TGM3: variants seen among roughly 807,000 people sequenced by gnomAD.
The protein encoded by TGM3 is transglutaminase 3.
In TGM3, 52 loss-of-function variants were observed where a neutral mutation model predicts 73.8. The observed-to-expected ratio is 0.70, with a 90% CI of 0.56 to 0.89. TGM3 has a LOEUF of 0.89. Ranked by LOEUF, TGM3 falls within the 40% of genes least tolerant of loss-of-function variation. TGM3 has a pLI of 0.00. For synonymous variants in TGM3, 372 were observed against 354.9 expected, an observed-to-expected ratio of 1.05 and a Z score of -0.54; for missense variants, 928 against 909.9, an observed-to-expected ratio of 1.02 and a Z score of -0.26.
chr20:2,316,871 C>T (rs901625726), intron 5 of TGM3, among the ~76,000 whole-genome samples, 197 bp from the exon 6 acceptor site: 4 of 152,136 alleles, frequency 2.6e-5, no homozygotes, highest in Admixed American at 2.6e-4. Flanking sequence ...CCTCTAAACT[C>T]GTAAACCACT....
intron 11 of TGM3, 150 bp from the exon 12 acceptor site, chr20:2,339,704 G>T: frequency 2.0e-6 from 2 of 992,954 alleles, no homozygotes; most frequent in Non-Finnish European, 3.0e-6. Flanking sequence ...GACACAATGT[G>T]CCTGGCACCT....
At chr20:2,316,109 G>C (rs752448483) in intron 5 of TGM3, among the ~76,000 whole-genome samples, 1 of 152,126 alleles carries the variant, frequency 6.6e-6, no homozygotes, top group African/African-American at 2.4e-5. Flanking sequence ...CTCAGGTCTC[G>C]ATTTCTAGTC....
At chr20:2,335,303 G>T (rs2084343746) in intron 11 of TGM3, 30 bp downstream of exon 11, 2 of 1,612,296 alleles carry the variant, frequency 1.2e-6, no homozygotes, top group Non-Finnish European at 1.7e-6. Flanking sequence ...TGTGGGAAGG[G>T]GTTCTGCCCC....
intron 9 of TGM3, among the ~76,000 whole-genome samples, chr20:2,330,637 G>A (rs771156556): frequency 3.9e-5 from 6 of 152,234 alleles, no homozygotes; most frequent in Non-Finnish European, 5.9e-5. Flanking sequence ...AGGCATGGAC[G>A]AGTTGGCCTC....
At position 2,328,314 on chromosome 20, in the gene TGM3, G is replaced by A; in HGVS notation, c.1282G>A (p.Val428Met). 1 of 1,614,190 alleles carries A rather than the reference G, an allele frequency of 6.2e-7. No individual in the cohort carries two copies. Among genetic ancestry groups the A allele is most frequent in the South Asian group, 1.1e-5 (1 of 91,084 alleles). Residue 428 changes from valine to methionine, a missense_variant, in exon 9 of 13, where the codon GTG (valine) becomes ATG (methionine). By Grantham distance (21) the Val-to-Met change is conservative (BLOSUM62 1). Transcript: ENST00000381458. The surrounding 1 kb of genome is among the most constrained non-coding windows in gnomAD (Gnocchi z 5.2). ...TGGCAGGTACATCAGCACCAAGGCG[G>A]TGGGCAGCAATGCTCGCATGGACGT... ...TIGRYISTKA[V>M]GSNARMDVTD...
In TGM3 at chr20:2,317,422, T is replaced by A. The variant is rs759645776; in HGVS notation, c.920T>A (p.Leu307His). Residue 307 changes from leucine to histidine, a missense_variant, in exon 7 of 13, where the codon CTC (leucine) becomes CAC (histidine). Coordinates refer to ENST00000381458, the MANE Select transcript of TGM3 (RefSeq NM_003245.4). The stretch of plus-strand genomic sequence containing the variant: ...TCAGCTCATGACACAGACCGAAATC[T>A]CAGTGTGGATGTGTACTACGACCCC... ...FNSAHDTDRNLSVDVYYDPMG... is the reference protein window; with the variant it reads ...FNSAHDTDRNHSVDVYYDPMG... The A allele has an allele frequency of 6.2e-7, 1 of 1,614,158 alleles. No homozygotes were observed. Among genetic ancestry groups the A allele is most frequent in the Non-Finnish European group, 8.5e-7 (1 of 1,180,022 alleles).
chr20:2,302,402 T>C (rs965445188), intron 1 of TGM3, among the ~76,000 whole-genome samples: 1 of 151,944 alleles, frequency 6.6e-6, no homozygotes, highest in Non-Finnish European at 1.5e-5. Context: ...TGTGATTATG[T>C]TTGGCTGTGA....
chr20:2,331,761 G>A (rs1568632540), intron 9 of TGM3, among the ~76,000 whole-genome samples: 2 of 152,222 alleles, frequency 1.3e-5, no homozygotes, highest in Admixed American at 6.5e-5. Context: ...GTGTGCAGGT[G>A]TGATAAAGCT....
chr20:2,317,681 C>A (rs531792651), intron 7 of TGM3, among the ~76,000 whole-genome samples, 196 bp downstream of exon 7: 6 of 151,904 alleles, frequency 3.9e-5, no homozygotes, highest in African/African-American at 1.5e-4. Flanking sequence ...CGGTGCTCTG[C>A]GGTCTGCTAG....
intron 7 of TGM3, among the ~76,000 whole-genome samples, chr20:2,321,713 GAAAGGAGTGGAGCCC>G (rs2084263776): frequency 6.6e-6 from 1 of 152,142 alleles, no homozygotes; most frequent in South Asian, 2.1e-4. Flanking sequence ...AAACCCTCAG[GAAAGGAGTGGAGCCC>G]GAGGTTGGGG....
At chr20:2,312,464 G>C (rs1231586163) in intron 4 of TGM3, among the ~76,000 whole-genome samples, 1 of 151,124 alleles carries the variant, frequency 6.6e-6, no homozygotes. Flanking sequence ...GATGAGTTTG[G>C]CCTAATTATA....
chr20:2,340,159 C>T (rs1568635877), intron 12 of TGM3, among the ~76,000 whole-genome samples, 172 bp downstream of exon 12: 1 of 152,176 alleles, frequency 6.6e-6, no homozygotes. Flanking sequence ...GTTCACCAAA[C>T]TTGAACTCCT....
In TGM3 at chr20:2,332,407, T is replaced by G; in HGVS notation, c.1642+97T>G. ...TCTGCTGGGCTCCAGGTTAGTCAGC[T>G]ACGAATGGAGCAGCCAGCGGCCCCT... On this transcript the variant is annotated intron_variant, in intron 10 of 12. Coordinates refer to ENST00000381458, the MANE Select transcript of TGM3 (RefSeq NM_003245.4). This position sits in a 1 kb window ranked among gnomAD's most constrained non-coding sequence, Gnocchi z 4.4. The G allele has an allele frequency of 8.1e-7, 1 of 1,234,924 alleles. No homozygotes were observed. Among genetic ancestry groups the G allele is most frequent in the South Asian group, 1.6e-5 (1 of 63,626 alleles). The allele number at this position is 1,234,924 out of a possible 1,614,324, so 76.5% of individuals were successfully genotyped here.
intron 7 of TGM3, among the ~76,000 whole-genome samples, chr20:2,319,176 C>T (rs891839208): frequency 6.6e-6 from 1 of 152,200 alleles, no homozygotes; most frequent in Non-Finnish European, 1.5e-5. Flanking sequence ...GCTCTGATCA[C>T]TGGGGCTATG....
At chr20:2,309,856 C>T (rs1487048728) in intron 2 of TGM3, 26 bp downstream of exon 2, 6 of 1,613,346 alleles carry the variant, frequency 3.7e-6, no homozygotes, top group Non-Finnish European at 3.4e-6. Flanking sequence ...CCTCCTTGCC[C>T]AAACACACAC....
rs1003005055 is a variant in TGM3, at chr20:2,316,964, G to T, written c.670-104G>T. On this transcript the variant is annotated intron_variant, in intron 5 of 12. Coordinates refer to ENST00000381458, the MANE Select transcript of TGM3 (RefSeq NM_003245.4). ...AAGAAAAGTTCAATCATGGCCTTTG[G>T]CTTCCTTCCTCATCTCCCCACCTTG... The T allele has an allele frequency of 2.9e-6, 4 of 1,360,504 alleles. No homozygotes were observed. The African/African-American group carries it at 5.8e-5, about 20-fold the overall frequency. 84.3% of individuals were successfully genotyped at this position (1,360,504 alleles called of 1,614,324 possible).
rs1474723676 is a variant in TGM3 at position 2,323,036 on chromosome 20, C to CA, written c.984-2813_984-2812insA. Among the ~76,000 whole-genome samples, 3 of 152,264 alleles carry CA rather than the reference C, an allele frequency of 2.0e-5. No individual in the cohort carries two copies. In the East Asian group the frequency reaches 5.8e-4, roughly 29 times the overall value. ...TTTAATGAACAGCTTTATCATACAT[C>CA]TACATATATACACATAGGTTTTTTT... On this transcript the variant is annotated intron_variant, in intron 7 of 12. Transcript: ENST00000381458.
intron 9 of TGM3, among the ~76,000 whole-genome samples, chr20:2,329,337 G>A (rs1448279687): frequency 6.6e-6 from 1 of 152,170 alleles, no homozygotes; most frequent in Non-Finnish European, 1.5e-5. Flanking sequence ...AGGTGATGGG[G>A]TCTGACTTCA....
intron 4 of TGM3, 76 bp downstream of exon 4, chr20:2,311,205 T>C: frequency 8.3e-7 from 1 of 1,205,856 alleles, no homozygotes. Context: ...CACAGATCAA[T>C]GGGAAGTCCC....
Sources: gnomAD v4.1 joint callset for allele counts (sites outside exome capture counted in the v4.1 genomes callset) on GRCh38, gnomAD v4.1.1 for gene constraint, Gnocchi (gnomAD v3.1) non-coding constraint, MANE v1.5 for transcripts, NCBI Gene and HGNC (gene_info 2026-07-23, HGNC 2026-07-21) for gene names.